The following XPO5 variants were observed in gnomAD, a reference collection of about 807,000 sequenced individuals.
XPO5 encodes exportin 5.
XPO5 carries 46 observed loss-of-function variants against 160.6 expected under a neutral mutation model. That is an observed-to-expected ratio of 0.29 (90% CI 0.23 to 0.37). The LOEUF (loss-of-function observed/expected upper bound fraction) is 0.37, where lower values mean the gene tolerates loss of function less well. Ranked by LOEUF, XPO5 falls within the 10% of genes least tolerant of loss-of-function variation. XPO5 has a pLI of 1.00. For missense variants in XPO5, 1,090 were observed against 1,463.9 expected, an observed-to-expected ratio of 0.74 and a Z score of 4.17; for synonymous variants, 537 against 519.3, an observed-to-expected ratio of 1.03 and a Z score of -0.46.
At chr6:43,548,594 A>G (rs368142959) in intron 17 of XPO5, 134 bp from the exon 18 acceptor site, 1 of 723,724 alleles carries the variant, frequency 1.4e-6, no homozygotes. Flanking sequence ...TTATTTGGTA[A>G]TTCTGTTATA....
intron 2 of XPO5, 189 bp downstream of exon 2, chr6:43,573,291 A>G: frequency 1.4e-6 from 1 of 715,028 alleles, no homozygotes. Flanking sequence ...ATGGATGAAG[A>G]AACTGAAGAA....
intron 20 of XPO5, among the ~76,000 whole-genome samples, chr6:43,536,799 A>G (rs1274881441): frequency 7.6e-6 from 1 of 131,198 alleles, no homozygotes; most frequent in Non-Finnish European, 1.6e-5. Flanking sequence ...AAGCAGCTTT[A>G]CTTTTTGGGT....
Position 43,559,273 on chromosome 6 carries a change from G to A in XPO5, c.1222-682C>T, listed in dbSNP as rs538729783. Among the ~76,000 whole-genome samples the A allele has an allele frequency of 2.2e-4, 34 of 152,274 alleles. 1 individual carries two copies. In the South Asian group the frequency reaches 6.6e-3, roughly 30 times the overall value. ...GATCGTGCCACTGCACTCCAGCCTC[G>A]GTGACAGGGTGAGACTCCGTCTCAA... On this transcript the variant is annotated intron_variant, in intron 11 of 31. Transcript: ENST00000265351.
intron 27 of XPO5, chr6:43,526,383 G>T: frequency 2.2e-6 from 1 of 454,870 alleles, no homozygotes; most frequent in Admixed American, 3.4e-5. Flanking sequence ...AGTAGCTGGG[G>T]TTGCCATTTT....
intron 11 of XPO5, among the ~76,000 whole-genome samples, chr6:43,559,962 G>A (rs1762324245): frequency 1.3e-5 from 2 of 152,166 alleles, no homozygotes; most frequent in Non-Finnish European, 2.9e-5. Context: ...GTCTACAGGT[G>A]CATACCAACA....
rs147390845 is a variant in XPO5, at chr6:43,573,055, C to G, written c.227+425G>C. Among the ~76,000 whole-genome samples the G allele has an allele frequency of 1.4e-3, 218 of 152,268 alleles. 1 individual carries two copies. The highest frequency in any genetic ancestry group is 4.7e-3 in the African/African-American group (197 of 41,548). On this transcript the variant is annotated intron_variant, in intron 2 of 31. Coordinates refer to ENST00000265351, the MANE Select transcript of XPO5 (RefSeq NM_020750.3). Reference sequence around the variant, plus strand: ...AAGTTAGGATGGGTTTTCAGTTATTCTCATACAATCCTGCTTTGGATGTAC... The same window carrying G: ...AAGTTAGGATGGGTTTTCAGTTATTGTCATACAATCCTGCTTTGGATGTAC...
intron 6 of XPO5, among the ~76,000 whole-genome samples, chr6:43,568,472 G>A (rs995845338): frequency 2.0e-4 from 31 of 151,998 alleles, no homozygotes; most frequent in African/African-American, 6.3e-4. Context: ...TGGGCATGGT[G>A]GTGCGCACCT....
At chr6:43,539,563 G>A in intron 20 of XPO5, 1 of 1,378,764 alleles carries the variant, frequency 7.3e-7, no homozygotes, top group Non-Finnish European at 1.0e-6. Flanking sequence ...GAGCTCCGCG[G>A]CCTCAGCCCC....
At position 43,523,506 on chromosome 6, in the gene XPO5, GGCACA is replaced by G. The variant is rs1793329450; in HGVS notation, c.*357_*361del. The G allele has an allele frequency of 2.4e-6, 1 of 413,442 alleles. No homozygotes were observed. Among genetic ancestry groups the G allele is most frequent in the Middle Eastern group, 8.8e-4 (1 of 1,140 alleles). The allele number at this position is 413,442 out of a possible 1,614,324, so 25.6% of individuals were successfully genotyped here. ...GCGAGCCTTGCTAGTCGCAGGGTTG[GGCACA>G]GCACCCTTAGTTACCATTCTGTACA... On this transcript the variant is annotated 3_prime_UTR_variant, in exon 32 of 32. Transcript: ENST00000265351.
rs1351376667 is a variant in XPO5, at chr6:43,538,481, A to T, written c.2343-4474T>A. 3.3e-5 allele frequency among the ~76,000 whole-genome samples: 5 copies of T among 152,278 alleles called. 1 individual carries two copies. In the East Asian group the frequency reaches 9.7e-4, roughly 29 times the overall value. ...AGTGACTAAGAGATATCTTAAATATATATAAACCTTGTGTGGATAAACAGA... is the reference window on the plus strand; with the variant it reads ...AGTGACTAAGAGATATCTTAAATATTTATAAACCTTGTGTGGATAAACAGA... On this transcript the variant is annotated intron_variant, in intron 20 of 31. Transcript: ENST00000265351.
At position 43,554,421 on chromosome 6, in the gene XPO5, TC is replaced by T. The variant is rs1329869230; in HGVS notation, c.1442-919del. On this transcript the variant is annotated intron_variant, in intron 13 of 31. Transcript: ENST00000265351. The stretch of plus-strand genomic sequence containing the variant: ...CCACTGTGCCCAGCCGCTTTTCTTT[TC>T]TTTTTTTTTTTTTTCTTTTTTGAGA... 4.0e-5 allele frequency among the ~76,000 whole-genome samples: 6 copies of T among 148,812 alleles called. No homozygotes were observed. The East Asian group carries it at 1.2e-3, about 30-fold the overall frequency.
At chr6:43,538,711 C>T (rs920573427) in intron 20 of XPO5, 26 of 474,926 alleles carry the variant, frequency 5.5e-5, no homozygotes, top group African/African-American at 3.8e-4. Context: ...CTGTTAATGT[C>T]TGGTTTTGGT....
At chr6:43,552,296 G>A (rs1795266121) in intron 14 of XPO5, among the ~76,000 whole-genome samples, 1 of 152,070 alleles carries the variant, frequency 6.6e-6, no homozygotes, top group Non-Finnish European at 1.5e-5. Flanking sequence ...GACCTCAGGT[G>A]ATCCACCCAC....
At chr6:43,567,827 A>G (rs1477954341) in intron 6 of XPO5, among the ~76,000 whole-genome samples, 1 of 151,764 alleles carries the variant, frequency 6.6e-6, no homozygotes. Context: ...AGTCCCAGCT[A>G]CTCATGAGGT....
intron 20 of XPO5, among the ~76,000 whole-genome samples, chr6:43,544,866 ATTATTTAT>A (rs151137102): frequency 6.6e-6 from 1 of 151,800 alleles, no homozygotes; most frequent in African/African-American, 2.4e-5. Context: ...AAAAGAAAAT[ATTATTTAT>A]TTATTTATTT....
rs1793462772 is a variant in XPO5, at chr6:43,524,909, T to C, written c.3234A>G (p.Lys1078=). Residue 1078 remains lysine, a synonymous_variant, in exon 30 of 32, where the codon AAA becomes AAG. Transcript: ENST00000265351. Reference sequence around the variant, plus strand: ...CGTGCTGCCCGTGCATCTGTAAGCCTTTCAGCACACTGGTGAAAAGCCACG... The same window carrying C: ...CGTGCTGCCCGTGCATCTGTAAGCCCTTCAGCACACTGGTGAAAAGCCACG... The part of the protein sequence containing the change: ...AVTWLFTSVL[K]GLQMHGQHDG... The C allele has an allele frequency of 3.1e-6, 5 of 1,613,892 alleles. No individual in the cohort carries two copies. The highest frequency in any genetic ancestry group is 1.7e-5 in the Admixed American group (1 of 60,012).
chr6:43,524,369 AAAT>A, intron 31 of XPO5, 99 bp downstream of exon 31: 2 of 1,427,572 alleles, frequency 1.4e-6, no homozygotes, highest in South Asian at 1.5e-5. Flanking sequence ...AAAAAAAAAA[AAAT>A]CTCACCATAA....
At chr6:43,563,335 A>G (rs1366359560) in intron 8 of XPO5, among the ~76,000 whole-genome samples, 1 of 152,148 alleles carries the variant, frequency 6.6e-6, no homozygotes, top group Admixed American at 6.5e-5. Flanking sequence ...AGGTCTTGCC[A>G]TGTTGCCCAG....
chr6:43,571,073 G>T, intron 3 of XPO5, 79 bp from the exon 4 acceptor site: 1 of 1,466,870 alleles, frequency 6.8e-7, no homozygotes, highest in Non-Finnish European at 9.1e-7. Flanking sequence ...CTGTAGAGTT[G>T]TAAAAAATTT....
Sources: gnomAD v4.1 joint callset for allele counts (sites outside exome capture counted in the v4.1 genomes callset) on GRCh38, gnomAD v4.1.1 for gene constraint, MANE v1.5 for transcripts, NCBI Gene and HGNC (gene_info 2026-07-23, HGNC 2026-07-21) for gene names.